LAMC2: variants seen among roughly 807,000 people sequenced by gnomAD.
LAMC2 encodes the protein laminin subunit gamma-2.
LAMC2 carries 97 observed loss-of-function variants against 140.2 expected under a neutral mutation model. That is an observed-to-expected ratio of 0.69 (90% CI 0.59 to 0.82). LAMC2 has a LOEUF of 0.82. Ranked by LOEUF, LAMC2 falls within the 40% of genes least tolerant of loss-of-function variation. LAMC2 has a pLI of 0.00. For missense variants in LAMC2, 1,402 were observed against 1,476.1 expected, an observed-to-expected ratio of 0.95 and a Z score of 0.82; for synonymous variants, 513 against 540.2, an observed-to-expected ratio of 0.95 and a Z score of 0.70.
At position 183,216,980 on chromosome 1, in the gene LAMC2, T is replaced by G. The variant is rs910901614; in HGVS notation, c.404+1392T>G. ...GCACCCGGTAGATGCTGAATACGTG[T>G]TTGTCAGATGGTCCAGATAAGCAGT... On this transcript the variant is annotated intron_variant, in intron 3 of 22. Transcript: ENST00000264144. 9.9e-5 allele frequency among the ~76,000 whole-genome samples: 15 copies of G among 152,154 alleles called. 1 individual carries two copies.
At chr1:183,240,487 A>C in intron 22 of LAMC2, 96 bp downstream of exon 22, 1 of 1,541,542 alleles carries the variant, frequency 6.5e-7, no homozygotes, top group South Asian at 1.3e-5. Flanking sequence ...GGGGAGTCTC[A>C]GCTTTCCTTA....
intron 20 of LAMC2, 192 bp from the exon 21 acceptor site, chr1:183,239,848 C>T: frequency 1.4e-6 from 1 of 698,378 alleles, no homozygotes; most frequent in Admixed American, 2.3e-5. Context: ...CCTAGTCATA[C>T]CCCCAGATTA....
Position 183,207,978 on chromosome 1 carries a change from C to T in LAMC2, c.177C>T (p.Asn59=). ...NGFRCLNCND[N]TDGIHCEKCK... ...TCCGCTGCCTCAACTGCAATGACAACACTGATGGCATTCACTGCGAGAAGT... is the reference window on the plus strand; with the variant it reads ...TCCGCTGCCTCAACTGCAATGACAATACTGATGGCATTCACTGCGAGAAGT... The change falls in exon 2 of 23, where the codon AAC becomes AAT. Residue 59 remains asparagine (N), a synonymous_variant. Transcript: ENST00000264144. The T allele has an allele frequency of 1.2e-6, 2 of 1,613,980 alleles. No individual in the cohort carries two copies. The highest frequency in any genetic ancestry group is 1.1e-5 in the South Asian group (1 of 91,080).
At chr1:183,252,594 C>T in the LAMC2 span, 4 of 1,274,450 alleles carry the variant, frequency 3.1e-6, no homozygotes, top group Non-Finnish European at 4.6e-6. Flanking sequence ...AAACAGGGGG[C>T]TGACAAAGAT....
At chr1:183,247,015 TTAAA>T (rs1275623097), downstream of LAMC2, among the ~76,000 whole-genome samples, 1 of 152,236 alleles carries the variant, frequency 6.6e-6, no homozygotes, top group Non-Finnish European at 1.5e-5. Context: ...ATATTTCACT[TTAAA>T]TGAGCTCTTG....
intron 2 of LAMC2, among the ~76,000 whole-genome samples, chr1:183,209,548 C>T (rs1659008937): frequency 6.6e-6 from 1 of 152,130 alleles, no homozygotes; most frequent in African/African-American, 2.4e-5. Context: ...ATTTAGCAGT[C>T]CTCCCTATGA....
intron 22 of LAMC2, 138 bp downstream of exon 22, chr1:183,240,529 C>A (rs1660104003): frequency 2.0e-6 from 3 of 1,464,136 alleles, no homozygotes; most frequent in Non-Finnish European, 2.7e-6. Flanking sequence ...TGTTTCCAGG[C>A]CCAGATAACT....
chr1:183,196,231 G>A (rs548780100), intron 1 of LAMC2, among the ~76,000 whole-genome samples: 10 of 151,690 alleles, frequency 6.6e-5, no homozygotes, highest in Admixed American at 3.9e-4. Flanking sequence ...TCTGCCTACC[G>A]GGTTCAAGTG....
At chr1:183,189,060 C>T (rs1400774930) in intron 1 of LAMC2, among the ~76,000 whole-genome samples, 3 of 151,946 alleles carry the variant, frequency 2.0e-5, no homozygotes, top group East Asian at 1.9e-4. Flanking sequence ...TGGTGATTAC[C>T]GTAATTCAAA....
intron 4 of LAMC2, among the ~76,000 whole-genome samples, chr1:183,220,135 C>T (rs1659422700): frequency 6.6e-6 from 1 of 152,198 alleles, no homozygotes; most frequent in African/African-American, 2.4e-5. Context: ...CCCCAGCTTC[C>T]CCTGCCTTCT....
At chr1:183,199,101 T>TC (rs1263995486) in intron 1 of LAMC2, among the ~76,000 whole-genome samples, 6 of 132,962 alleles carry the variant, frequency 4.5e-5, no homozygotes, top group African/African-American at 1.7e-4. Context: ...GCTTTTCTTT[T>TC]TTTTTTTTTT....
chr1:183,225,197 A>T (rs1659589075), intron 7 of LAMC2, among the ~76,000 whole-genome samples: 1 of 152,246 alleles, frequency 6.6e-6, no homozygotes. Flanking sequence ...AAGTAAGTAA[A>T]ATGTGCTCAG....
At chr1:183,197,000 A>G (rs1386098074) in intron 1 of LAMC2, among the ~76,000 whole-genome samples, 1 of 152,230 alleles carries the variant, frequency 6.6e-6, no homozygotes, top group Non-Finnish European at 1.5e-5. Context: ...ATATTGAGGA[A>G]TTCTGGTGCT....
At chr1:183,203,762 C>T (rs1658798120) in intron 1 of LAMC2, among the ~76,000 whole-genome samples, 2 of 152,040 alleles carry the variant, frequency 1.3e-5, no homozygotes, top group South Asian at 2.1e-4. Context: ...AGTGTCTTCA[C>T]GGAGTTCTCA....
At chr1:183,239,268 C>T in intron 19 of LAMC2, 96 bp from the exon 20 acceptor site, 1 of 1,118,844 alleles carries the variant, frequency 8.9e-7, no homozygotes, top group Non-Finnish European at 1.4e-6. Context: ...AGTAATAACA[C>T]TCTTTCAGGA....
rs901765358 is a variant in LAMC2 at position 183,228,459 on chromosome 1, A to G, written c.1554A>G (p.Gln518=). The change falls in exon 11 of 23, where the codon CAA becomes CAG. Residue 518 remains glutamine, a synonymous_variant. Transcript: ENST00000264144. The surrounding 1 kb of genome is among the most constrained non-coding windows in gnomAD (Gnocchi z 4.3). ...HGPVRPCQPC[Q]CNNNVDPSAS... Reference sequence around the variant, plus strand: ...CAGTGAGGCCTTGTCAGCCCTGTCAATGCAACAACAATGTGGACCCCAGTG... The same window carrying G: ...CAGTGAGGCCTTGTCAGCCCTGTCAGTGCAACAACAATGTGGACCCCAGTG... The G allele has an allele frequency of 1.2e-6, 2 of 1,613,990 alleles. No individual in the cohort carries two copies. The highest frequency in any genetic ancestry group is 1.7e-4 in the Middle Eastern group (1 of 6,060).
At chr1:183,216,040 AT>A (rs1031375772) in intron 3 of LAMC2, among the ~76,000 whole-genome samples, 2 of 152,130 alleles carry the variant, frequency 1.3e-5, no homozygotes, top group African/African-American at 4.8e-5. Context: ...CTGCTCGGAT[AT>A]TTTTTGGAAG....
intron 1 of LAMC2, among the ~76,000 whole-genome samples, chr1:183,196,297 C>A (rs1658512483): frequency 6.6e-6 from 1 of 152,068 alleles, no homozygotes; most frequent in South Asian, 2.1e-4. Context: ...GCCACCACGC[C>A]CAGCTAATTT....
intron 4 of LAMC2, among the ~76,000 whole-genome samples, chr1:183,218,815 T>C (rs1230172688): frequency 1.3e-5 from 2 of 152,086 alleles, no homozygotes; most frequent in Non-Finnish European, 2.9e-5. Flanking sequence ...CAGTAATCAA[T>C]AGTGAGATCC....
Sources: gnomAD v4.1 joint callset for allele counts (sites outside exome capture counted in the v4.1 genomes callset) on GRCh38, gnomAD v4.1.1 for gene constraint, Gnocchi (gnomAD v3.1) non-coding constraint, MANE v1.5 for transcripts, NCBI Gene and HGNC (gene_info 2026-07-23, HGNC 2026-07-21) for gene names.